Variants in EXPH5 observed in about 807,000 individuals in gnomAD.
EXPH5 encodes the protein exophilin-5.
A neutral mutation model predicts 41.1 loss-of-function variants in EXPH5; 42 were observed. The ratio of observed to expected loss-of-function variants is 1.02; its 90% confidence interval spans 0.80 to 1.32. EXPH5 has a LOEUF of 1.32. Ranked by LOEUF, EXPH5 falls within the 40% of genes most tolerant of loss-of-function variation. The pLI, the probability that EXPH5 is intolerant of heterozygous loss-of-function variation, is 0.00. For missense variants in EXPH5, 2,298 were observed against 2,314.5 expected (o/e 0.99, Z 0.15); for synonymous variants, 798 against 833.5 (o/e 0.96, Z 0.73).
At chr11:108,588,766 A>T (rs2094120463) in intron 1 of EXPH5, among the ~76,000 whole-genome samples, 1 of 152,210 alleles carries the variant, frequency 6.6e-6, no homozygotes. Flanking sequence ...TTATAAGCTA[A>T]AAGAGTTATA....
chr11:108,529,567 A>G (rs1591696354), intron 3 of EXPH5, among the ~76,000 whole-genome samples: 1 of 152,136 alleles, frequency 6.6e-6, no homozygotes, highest in African/African-American at 2.4e-5. Flanking sequence ...TAGACTGTCC[A>G]GGTGTGGTGG....
At chr11:108,605,580 A>G in the EXPH5 span, among the ~76,000 whole-genome samples, 1 of 152,190 alleles carries the variant, frequency 6.6e-6, no homozygotes, top group Non-Finnish European at 1.5e-5. Flanking sequence ...TACGCCCAGC[A>G]AAGAATTATG....
intron 1 of EXPH5, among the ~76,000 whole-genome samples, chr11:108,579,445 A>G (rs1282109144): frequency 6.6e-6 from 1 of 151,204 alleles, no homozygotes; most frequent in Non-Finnish European, 1.5e-5. Flanking sequence ...ATTGATGTTT[A>G]TTAGTTATTG....
the EXPH5 span, among the ~76,000 whole-genome samples, chr11:108,607,349 G>A: frequency 2.0e-5 from 3 of 152,132 alleles, no homozygotes; most frequent in Non-Finnish European, 4.4e-5. Flanking sequence ...GGTGAATATG[G>A]AGTCAACTAG....
intron 3 of EXPH5, among the ~76,000 whole-genome samples, chr11:108,534,238 C>A (rs893504891): frequency 6.6e-6 from 1 of 152,222 alleles, no homozygotes; most frequent in South Asian, 2.1e-4. Context: ...TGCATGTACA[C>A]ACATGGAAAT....
rs1488144751 is a variant in EXPH5 at position 108,541,705 on chromosome 11, T to C, written c.227A>G (p.Gln76Arg). The C allele has an allele frequency of 1.9e-6, 3 of 1,613,080 alleles. No individual in the cohort carries two copies. Among genetic ancestry groups the C allele is most frequent in the Non-Finnish European group, 1.7e-6 (2 of 1,179,496 alleles). Reference sequence around the variant, plus strand: ...GTATGTAAGTGGTTGTTTTAACATTTGGCTAACATCTGTTTCATTGCAAAA... The same window carrying C: ...GTATGTAAGTGGTTGTTTTAACATTCGGCTAACATCTGTTTCATTGCAAAA... ...KKFCNETDVS[Q>R]MLKQPLTYRL... The change falls in exon 2 of 6, where the codon CAA becomes CGA. Residue 76 changes from glutamine (Q) to arginine (R), a missense_variant. By Grantham distance (43) the Gln-to-Arg change is conservative (BLOSUM62 1). Coordinates refer to ENST00000265843, the MANE Select transcript of EXPH5 (RefSeq NM_015065.3).
intron 1 of EXPH5, among the ~76,000 whole-genome samples, chr11:108,581,747 C>A (rs2094098961): frequency 6.6e-6 from 1 of 151,846 alleles, no homozygotes; most frequent in Non-Finnish European, 1.5e-5. Context: ...TTTGATAAAC[C>A]TTTAACACGA....
intron 4 of EXPH5, among the ~76,000 whole-genome samples, chr11:108,526,353 A>G (rs575578382): frequency 6.6e-6 from 1 of 152,322 alleles, no homozygotes; most frequent in South Asian, 2.1e-4. Flanking sequence ...GCAAGTGGGA[A>G]TCAGGACTGT....
At chr11:108,593,825 G>T, upstream of EXPH5, 1 of 1,351,062 alleles carries the variant, frequency 7.4e-7, no homozygotes, top group Non-Finnish European at 1.0e-6. Context: ...GCCCTCCCTT[G>T]TCCCCTCCCT....
At position 108,529,611 on chromosome 11, in the gene EXPH5, G is replaced by A. The variant is rs148363271; in HGVS notation, c.444-1427C>T. ...TATAATCCCAGCACTTTGGGAGGCCGAGGTGGGTGGATCACTTGAGGCCAG... is the reference window on the plus strand; with the variant it reads ...TATAATCCCAGCACTTTGGGAGGCCAAGGTGGGTGGATCACTTGAGGCCAG... On this transcript the variant is annotated intron_variant, in intron 3 of 5. Transcript: ENST00000265843. Among the ~76,000 whole-genome samples the A allele has an allele frequency of 5.5e-3, 844 of 152,188 alleles. 6 individuals are homozygous for A. The highest frequency in any genetic ancestry group is 0.019 in the African/African-American group (802 of 41,530).
intron 1 of EXPH5, among the ~76,000 whole-genome samples, chr11:108,550,549 C>T (rs1361057488): frequency 6.6e-6 from 1 of 152,148 alleles, no homozygotes; most frequent in East Asian, 1.9e-4. Context: ...GAGACCGAGG[C>T]AGACGGATCA....
chr11:108,589,244 A>G (rs1214687309), intron 1 of EXPH5, among the ~76,000 whole-genome samples: 1 of 152,238 alleles, frequency 6.6e-6, no homozygotes, highest in Non-Finnish European at 1.5e-5. Flanking sequence ...AAAAAGCCCA[A>G]TCAGTAGACA....
At chr11:108,535,479 A>T (rs1472517643) in intron 3 of EXPH5, among the ~76,000 whole-genome samples, 1 of 152,180 alleles carries the variant, frequency 6.6e-6, no homozygotes, top group Non-Finnish European at 1.5e-5. Context: ...GGTGTCTTAG[A>T]TTCCCATGTC....
intron 1 of EXPH5, among the ~76,000 whole-genome samples, chr11:108,547,210 T>TAGAGACAGGGTCTCACTCTGTTTTCC (rs2093942678): frequency 1.3e-5 from 2 of 152,122 alleles, no homozygotes; most frequent in African/African-American, 4.8e-5. Context: ...TTATTTTTTC[T>TAGAGACAGGGTCTCACTCTGTTTTCC]AGAGACAGGG....
Position 108,593,329 on chromosome 11 carries a change from T to G in EXPH5, c.119+89A>C, listed in dbSNP as rs1372832932. On this transcript the variant is annotated intron_variant, in intron 1 of 5. Coordinates refer to ENST00000265843, the MANE Select transcript of EXPH5 (RefSeq NM_015065.3). ...GCCGCTCGGAGCACCCCCGGGCAGGTGCCCCGCGCGAGCTCAGCGCCTTCC... is the reference window on the plus strand; with the variant it reads ...GCCGCTCGGAGCACCCCCGGGCAGGGGCCCCGCGCGAGCTCAGCGCCTTCC... 20 of 1,165,884 alleles carry G rather than the reference T, an allele frequency of 1.7e-5. No homozygotes were observed. The South Asian group carries it at 2.5e-4, about 15-fold the overall frequency. The allele number at this position is 1,165,884 out of a possible 1,614,324, so 72.2% of individuals were successfully genotyped here.
At chr11:108,592,778 T>C (rs1295542241) in intron 1 of EXPH5, among the ~76,000 whole-genome samples, 4 of 152,208 alleles carry the variant, frequency 2.6e-5, no homozygotes, top group Non-Finnish European at 5.9e-5. Flanking sequence ...GACCCACCCA[T>C]TCCAGCCAAC....
the EXPH5 span, among the ~76,000 whole-genome samples, chr11:108,600,140 T>C: frequency 0.029 from 4,358 of 152,258 alleles, 81 homozygotes; most frequent in Middle Eastern, 0.051. Context: ...AATTCAAATA[T>C]GGGAGACTGA....
chr11:108,509,641 G>A lies in EXPH5; in HGVS notation c.5866C>T (p.Leu1956Phe). Residue 1956 changes from leucine (L) to phenylalanine (F), a missense_variant, in exon 6 of 6, where the codon CTT becomes TTT. Physicochemically the swap from Leu to Phe is conservative, Grantham distance 22 (BLOSUM62 0). Coordinates refer to ENST00000265843, the MANE Select transcript of EXPH5 (RefSeq NM_015065.3). ...ACTGGGTCATCCTCATAGATATTAA[G>A]CGGTTCACTTGGAGATAAGCCATCT... ...PEDGLSPSEP[L>F]NIYEDDPVDS... 6.2e-7 allele frequency: 1 copy of A among 1,613,784 alleles called. No homozygotes were observed. The highest frequency in any genetic ancestry group is 8.5e-7 in the Non-Finnish European group (1 of 1,179,874).
In EXPH5 at chr11:108,507,440, C is replaced by A. The variant is rs185049322; in HGVS notation, c.*2097G>T. 1 of 152,086 alleles carries A rather than the reference C, an allele frequency of 6.6e-6. No homozygotes were observed. The highest frequency in any genetic ancestry group is 2.4e-5 in the African/African-American group (1 of 41,392). 9.4% of individuals were successfully genotyped at this position (152,086 alleles called of 1,614,324 possible). A position where few individuals can be genotyped will look rare whatever the true frequency, so the allele number is the denominator to read the frequency against. On this transcript the variant is annotated 3_prime_UTR_variant, in exon 6 of 6. Coordinates refer to ENST00000265843, the MANE Select transcript of EXPH5 (RefSeq NM_015065.3). Reference sequence around the variant, plus strand: ...AAAAATGGAAAATTAGATTAGGTCGCGAAGCAAATATAAACCAAGCAAGAT... The same window carrying A: ...AAAAATGGAAAATTAGATTAGGTCGAGAAGCAAATATAAACCAAGCAAGAT...
Sources: gnomAD v4.1 joint callset for allele counts (sites outside exome capture counted in the v4.1 genomes callset) on GRCh38, gnomAD v4.1.1 for gene constraint, MANE v1.5 for transcripts, NCBI Gene and HGNC (gene_info 2026-07-23, HGNC 2026-07-21) for gene names.